GLI3: variants seen among roughly 807,000 people sequenced by gnomAD.
GLI3 encodes GLI family zinc finger 3, also known as transcription activator GLI3.
In GLI3, 20 loss-of-function variants were observed where a neutral mutation model predicts 100.8. The ratio of observed to expected loss-of-function variants is 0.20; its 90% CI spans 0.14 to 0.29. The LOEUF (loss-of-function observed/expected upper bound fraction) is 0.29. GLI3 is among the 10% of genes least tolerant of loss of function. The pLI, the probability that GLI3 is intolerant of heterozygous loss-of-function variation, is 1.00. For synonymous variants in GLI3, 938 were observed against 860.5 expected (o/e 1.09, Z -1.58); for missense variants, 2,040 against 2,128.5 (o/e 0.96, Z 0.82).
At chr7:42,196,790 A>G (rs1382839856) in intron 2 of GLI3, among the ~76,000 whole-genome samples, 1 of 152,216 alleles carries the variant, frequency 6.6e-6, no homozygotes, top group Non-Finnish European at 1.5e-5. Context: ...ATCAAGAGGG[A>G]AAGAAAAAGA....
intron 1 of GLI3, among the ~76,000 whole-genome samples, chr7:42,233,574 T>TA (rs997894658): frequency 7.2e-5 from 11 of 152,058 alleles, no homozygotes; most frequent in Non-Finnish European, 1.3e-4. Context: ...TATCAAAGTT[T>TA]AAAAAAAATC....
chr7:42,172,548 TC>T (rs1269827910), intron 2 of GLI3: 1 of 702,908 alleles, frequency 1.4e-6, no homozygotes, highest in African/African-American at 1.7e-5. Flanking sequence ...TTGTACGCAT[TC>T]TTTGGAGCTT....
At chr7:42,098,436 A>T (rs1785388788) in intron 3 of GLI3, among the ~76,000 whole-genome samples, 2 of 151,868 alleles carry the variant, frequency 1.3e-5, no homozygotes, top group South Asian at 4.2e-4. Flanking sequence ...AGGATCAGGG[A>T]GGTGATGTGT....
Position 41,965,579 on chromosome 7 carries a change from A to G in GLI3, c.3494T>C (p.Val1165Ala). ...GGACAGGTCGGCGCTTCCGGAGCTGACTTCGTTCCACTGAATGGGCAGGTC... is the reference window on the plus strand; with the variant it reads ...GGACAGGTCGGCGCTTCCGGAGCTGGCTTCGTTCCACTGAATGGGCAGGTC... Reference protein sequence around the residue: ...KTDLPIQWNEVSSGSADLSSS... With the variant: ...KTDLPIQWNEASSGSADLSSS... Residue 1165 changes from valine to alanine, a missense_variant, in exon 15 of 15, where the codon GTC becomes GCC. Coordinates refer to ENST00000395925, the MANE Select transcript of GLI3 (RefSeq NM_000168.6). The G allele has an allele frequency of 6.2e-7, 1 of 1,605,292 alleles. No homozygotes were observed. Among genetic ancestry groups the G allele is most frequent in the Non-Finnish European group, 8.5e-7 (1 of 1,173,058 alleles).
chr7:42,239,450 C>T (rs1157808946), upstream of GLI3, among the ~76,000 whole-genome samples: 3 of 152,218 alleles, frequency 2.0e-5, no homozygotes, highest in East Asian at 5.8e-4. Context: ...CCACTCTTTC[C>T]TTTATATACT....
At chr7:42,172,543 C>T (rs1480469803) in intron 2 of GLI3, 5 of 702,870 alleles carry the variant, frequency 7.1e-6, no homozygotes, top group East Asian at 5.4e-5. Context: ...TGGGTTTGTA[C>T]GCATTCTTTG....
chr7:41,967,610 G>A lies in GLI3; in HGVS notation c.2417C>T (p.Pro806Leu), dbSNP rs764152858. 2.5e-6 allele frequency: 4 copies of A among 1,612,560 alleles called. No homozygotes were observed. The highest frequency in any genetic ancestry group is 2.2e-5 in the East Asian group (1 of 44,874). ...ILPPKAPAVS[P>L]LIGNGTQSNN... ...GTAGAACTCACCATTTCCTATGAGA[G>A]GAGAGACCGCAGGGGCTTTAGGGGG... The change falls in exon 14 of 15, where the codon CCT becomes CTT. Residue 806 changes from proline to leucine, a missense_variant. Physicochemically the swap from Pro to Leu is moderately conservative, Grantham distance 98. Coordinates refer to ENST00000395925, the MANE Select transcript of GLI3 (RefSeq NM_000168.6).
Position 42,223,338 on chromosome 7 carries a change from A to G in GLI3, c.-42-43T>C, listed in dbSNP as rs1354854467. 3.3e-5 allele frequency: 28 copies of G among 841,390 alleles called. No homozygotes were observed. In the East Asian group the frequency reaches 6.4e-4, roughly 19 times the overall value. 52.1% of individuals were successfully genotyped at this position (841,390 alleles called of 1,614,324 possible). On this transcript the variant is annotated intron_variant, in intron 1 of 14. Transcript: ENST00000395925. ...GCCATCAACTTTCCAAAATGGTGGAAAAAAAAAAAAAACTTTCAAAAGTCC... is the reference window on the plus strand; with the variant it reads ...GCCATCAACTTTCCAAAATGGTGGAGAAAAAAAAAAAACTTTCAAAAGTCC...
intron 3 of GLI3, among the ~76,000 whole-genome samples, chr7:42,131,058 T>G (rs2128776877): frequency 6.6e-6 from 1 of 152,280 alleles, no homozygotes; most frequent in South Asian, 2.1e-4. Flanking sequence ...TAAAGAGAAT[T>G]TCACAGACAC....
At chr7:42,122,834 C>A (rs1462241941) in intron 3 of GLI3, among the ~76,000 whole-genome samples, 1 of 152,198 alleles carries the variant, frequency 6.6e-6, no homozygotes, top group Non-Finnish European at 1.5e-5. Context: ...TTCTGATAAT[C>A]AGATTTTCCT....
intron 1 of GLI3, among the ~76,000 whole-genome samples, chr7:42,260,554 T>C (rs1789127443): frequency 1.3e-5 from 2 of 152,306 alleles, no homozygotes; most frequent in South Asian, 4.1e-4. Flanking sequence ...GTCAATAGAA[T>C]TTTGATGAGC....
At chr7:42,069,242 T>G (rs1355115384) in intron 4 of GLI3, among the ~76,000 whole-genome samples, 1 of 152,218 alleles carries the variant, frequency 6.6e-6, no homozygotes, top group Non-Finnish European at 1.5e-5. Flanking sequence ...GAGGACCGAA[T>G]TCAGTATTTC....
intron 1 of GLI3, among the ~76,000 whole-genome samples, chr7:42,256,283 T>TTGA (rs1210055445): frequency 6.6e-6 from 1 of 152,144 alleles, no homozygotes; most frequent in Non-Finnish European, 1.5e-5. Context: ...GTTTTTAATG[T>TTGA]TGATGAAGTC....
At chr7:42,209,039 A>G (rs914100930) in intron 2 of GLI3, among the ~76,000 whole-genome samples, 1 of 151,900 alleles carries the variant, frequency 6.6e-6, no homozygotes, top group Non-Finnish European at 1.5e-5. Context: ...TACCCTTCAA[A>G]ATACTTGCAA....
At chr7:42,241,248 C>T (rs1788921926), upstream of GLI3, among the ~76,000 whole-genome samples, 1 of 152,182 alleles carries the variant, frequency 6.6e-6, no homozygotes, top group Non-Finnish European at 1.5e-5. Flanking sequence ...AGGAAGGTGG[C>T]CAGAGGCAGC....
chr7:42,249,228 G>T (rs1185808034), intron 1 of GLI3, among the ~76,000 whole-genome samples: 2 of 152,046 alleles, frequency 1.3e-5, no homozygotes, highest in Non-Finnish European at 1.5e-5. Flanking sequence ...GAACTATTGC[G>T]CTCTGCCATT....
chr7:42,237,643 C>G (rs1410886579), upstream of GLI3: 2 of 152,512 alleles, frequency 1.3e-5, no homozygotes, highest in African/African-American at 4.8e-5. Context: ...CTCCCTCGCA[C>G]TCTCTCTTCC....
intron 2 of GLI3, among the ~76,000 whole-genome samples, chr7:42,198,851 T>C (rs1052696734): frequency 1.3e-5 from 2 of 151,534 alleles, no homozygotes; most frequent in Admixed American, 6.6e-5. Flanking sequence ...GGTGGCACTT[T>C]AAAAACAACC....
At chr7:42,249,145 C>T (rs545377746) in intron 1 of GLI3, among the ~76,000 whole-genome samples, 16 of 152,192 alleles carry the variant, frequency 1.1e-4, no homozygotes, top group African/African-American at 2.2e-4. Context: ...AAAAACATTC[C>T]GTTAGTACAG....
Sources: allele counts gnomAD v4.1 joint callset (sites outside exome capture counted in the v4.1 genomes callset), GRCh38; gene constraint gnomAD v4.1.1; transcripts MANE v1.5; gene names NCBI Gene and HGNC (gene_info 2026-07-23, HGNC 2026-07-21).